ATP2B1: variants seen among roughly 807,000 people sequenced by gnomAD.
ATP2B1 encodes the protein ATPase plasma membrane Ca2+ transporting 1.
ATP2B1 carries 14 observed loss-of-function variants against 124.2 expected under a neutral mutation model. That is an observed-to-expected ratio of 0.11 (90% CI 0.07 to 0.18). The LOEUF (loss-of-function observed/expected upper bound fraction) is 0.18. Ranked by LOEUF, ATP2B1 falls within the 10% of genes least tolerant of loss-of-function variation. The pLI, the probability that ATP2B1 is intolerant of heterozygous loss-of-function variation, is 1.00. For missense variants in ATP2B1, 763 were observed against 1,466.1 expected (o/e 0.52, Z 7.83); for synonymous variants, 449 against 492.4 (o/e 0.91, Z 1.17).
chr12:89,658,328 C>T (rs570862759), intron 1 of ATP2B1, among the ~76,000 whole-genome samples: 127 of 152,212 alleles, frequency 8.3e-4, no homozygotes, highest in African/African-American at 3.0e-3. Flanking sequence ...ACATATGTAG[C>T]TTCTTCACCT....
chr12:89,683,910 A>T (rs1489535820), intron 1 of ATP2B1, among the ~76,000 whole-genome samples: 1 of 152,212 alleles, frequency 6.6e-6, no homozygotes. Context: ...TTTTCATTGC[A>T]GCATTATTAA....
At chr12:89,688,759 C>T (rs1214057801) in intron 1 of ATP2B1, among the ~76,000 whole-genome samples, 1 of 151,976 alleles carries the variant, frequency 6.6e-6, no homozygotes, top group Admixed American at 6.6e-5. Context: ...TGCTGTGTAC[C>T]TGGGACTCAG....
At chr12:89,699,740 G>A (rs1891594339) in intron 1 of ATP2B1, among the ~76,000 whole-genome samples, 1 of 152,194 alleles carries the variant, frequency 6.6e-6, no homozygotes, top group Non-Finnish European at 1.5e-5. Context: ...AGAAAGGTGG[G>A]TATTTCTAGC....
chr12:89,630,339 G>A (rs2136156495), intron 6 of ATP2B1, among the ~76,000 whole-genome samples, 166 bp downstream of exon 6: 1 of 152,270 alleles, frequency 6.6e-6, no homozygotes, highest in Non-Finnish European at 1.5e-5. Context: ...TGGTAAAGGG[G>A]ACTGATGTAT....
chr12:89,613,620 A>G (rs145628836), intron 12 of ATP2B1, among the ~76,000 whole-genome samples: 4 of 152,316 alleles, frequency 2.6e-5, no homozygotes, highest in African/African-American at 9.6e-5. Context: ...GATAAAATCT[A>G]TCTTAAATTT....
In ATP2B1 at chr12:89,703,814, G is replaced by C. The variant is rs1892140850; in HGVS notation, c.-222+4782C>G. Among the ~76,000 whole-genome samples, 3 of 152,040 alleles carry C rather than the reference G, an allele frequency of 2.0e-5. No homozygotes were observed. The South Asian group carries it at 6.2e-4, about 32-fold the overall frequency. ...CATCAACAAATCAAACTTTGCTACT[G>C]ATTTAGGTATCTCTACCATGTAACT... On this transcript the variant is annotated intron_variant, in intron 1 of 20. Transcript: ENST00000428670.
intron 8 of ATP2B1, 28 bp downstream of exon 8, chr12:89,626,426 A>G (rs1880884154): frequency 6.4e-7 from 1 of 1,555,722 alleles, no homozygotes; most frequent in Admixed American, 2.1e-5. Context: ...TAAAAATAAA[A>G]CACTTTATTT....
At chr12:89,702,865 C>T (rs1892014945) in intron 1 of ATP2B1, among the ~76,000 whole-genome samples, 1 of 152,114 alleles carries the variant, frequency 6.6e-6, no homozygotes, top group Admixed American at 6.5e-5. Flanking sequence ...AAAAACACCA[C>T]ATACGATTTG....
chr12:89,612,644 CCTAG>C (rs1441223028), intron 12 of ATP2B1, among the ~76,000 whole-genome samples: 2 of 152,186 alleles, frequency 1.3e-5, no homozygotes, highest in Non-Finnish European at 2.9e-5. Flanking sequence ...TGAACTGCAG[CCTAG>C]CTGTTTGTGA....
At chr12:89,689,657 A>G (rs1158168027) in intron 1 of ATP2B1, among the ~76,000 whole-genome samples, 1 of 151,890 alleles carries the variant, frequency 6.6e-6, no homozygotes, top group Non-Finnish European at 1.5e-5. Context: ...ACGGCTTCTT[A>G]CTCCTTATCT....
At chr12:89,688,567 A>C (rs1184249932) in intron 1 of ATP2B1, among the ~76,000 whole-genome samples, 2 of 152,088 alleles carry the variant, frequency 1.3e-5, no homozygotes, top group Non-Finnish European at 2.9e-5. Flanking sequence ...TATTATCCCC[A>C]AAATCTAGCC....
chr12:89,689,370 A>G (rs1890301278), intron 1 of ATP2B1, among the ~76,000 whole-genome samples: 1 of 152,180 alleles, frequency 6.6e-6, no homozygotes, highest in Non-Finnish European at 1.5e-5. Flanking sequence ...GTAATTTTAC[A>G]ATGCAGGTAA....
rs143699657 is a variant in ATP2B1, at chr12:89,659,452, G to A, written c.-221-3345C>T. On this transcript the variant is annotated intron_variant, in intron 1 of 20. Transcript: ENST00000428670. ...TTACAGTATTCAAAAAGAACAATAAGGTGGATTTTTACTGACATATAATCT... is the reference window on the plus strand; with the variant it reads ...TTACAGTATTCAAAAAGAACAATAAAGTGGATTTTTACTGACATATAATCT... Among the ~76,000 whole-genome samples the A allele has an allele frequency of 1.1e-3, 164 of 152,124 alleles. 2 individuals are homozygous for A. Among genetic ancestry groups the A allele is most frequent in the African/African-American group, 3.7e-3 (152 of 41,518 alleles).
At chr12:89,634,680 C>T in intron 5 of ATP2B1, 98 bp downstream of exon 5, 9 of 1,277,074 alleles carry the variant, frequency 7.0e-6, no homozygotes, top group Non-Finnish European at 9.6e-6. Flanking sequence ...ATACAGATTC[C>T]TCTTTATATT....
intron 1 of ATP2B1, among the ~76,000 whole-genome samples, chr12:89,697,236 C>G (rs1411479103): frequency 6.6e-6 from 1 of 152,052 alleles, no homozygotes; most frequent in Non-Finnish European, 1.5e-5. Context: ...GAAAAAATGT[C>G]TTTATATGTC....
chr12:89,690,909 A>G (rs11612498), intron 1 of ATP2B1, among the ~76,000 whole-genome samples: 7,376 of 152,270 alleles, frequency 0.048, 241 homozygotes, highest in Non-Finnish European at 0.072. Flanking sequence ...AGAATCAATA[A>G]GAATAAACCA....
intron 1 of ATP2B1, among the ~76,000 whole-genome samples, chr12:89,683,196 C>A (rs1427434785): frequency 6.6e-6 from 1 of 152,168 alleles, no homozygotes; most frequent in Non-Finnish European, 1.5e-5. Flanking sequence ...GGGAAACAAT[C>A]AATTCACCAG....
chr12:89,640,020 T>C (rs554360308), intron 3 of ATP2B1, among the ~76,000 whole-genome samples: 5 of 152,222 alleles, frequency 3.3e-5, no homozygotes, highest in Non-Finnish European at 5.9e-5. Context: ...TTGCTGAAGA[T>C]GATATGACTC....
At chr12:89,659,756 A>G (rs1291291048) in intron 1 of ATP2B1, among the ~76,000 whole-genome samples, 2 of 151,988 alleles carry the variant, frequency 1.3e-5, no homozygotes, top group African/African-American at 4.8e-5. Flanking sequence ...CCCCGTCTCT[A>G]CTAAAAAATA....
Sources: gnomAD v4.1 joint callset for allele counts (sites outside exome capture counted in the v4.1 genomes callset) on GRCh38, gnomAD v4.1.1 for gene constraint, MANE v1.5 for transcripts, NCBI Gene and HGNC (gene_info 2026-07-23, HGNC 2026-07-21) for gene names.